Variants in SLCO1A2 observed in about 807,000 individuals in gnomAD.
The protein encoded by SLCO1A2 is solute carrier organic anion transporter family member 1A2.
A neutral mutation model predicts 69.0 loss-of-function variants in SLCO1A2; 67 were observed. The observed-to-expected ratio is 0.97, with a 90% CI of 0.80 to 1.19. The LOEUF is 1.19. SLCO1A2 is among the 50% of genes most tolerant of loss of function. The pLI, the probability that SLCO1A2 is intolerant of heterozygous loss-of-function variation, is 0.00. For synonymous variants in SLCO1A2, 260 were observed against 265.9 expected (o/e 0.98, Z 0.22); for missense variants, 787 against 793.7 (o/e 0.99, Z 0.10).
intron 1 of SLCO1A2, among the ~76,000 whole-genome samples, chr12:21,390,137 A>T (rs1941080823): frequency 6.6e-6 from 1 of 152,004 alleles, no homozygotes; most frequent in South Asian, 2.1e-4. Flanking sequence ...TGTAACTTGT[A>T]AGACAAAAAT....
At chr12:21,375,802 C>T (rs1940152370) in intron 1 of SLCO1A2, among the ~76,000 whole-genome samples, 1 of 152,182 alleles carries the variant, frequency 6.6e-6, no homozygotes, top group African/African-American at 2.4e-5. Flanking sequence ...TCTGTTTAAA[C>T]TCTCTTAAAG....
At chr12:21,373,086 AG>A in intron 2 of SLCO1A2, 1 of 434,880 alleles carries the variant, frequency 2.3e-6, no homozygotes, top group Non-Finnish European at 4.1e-6. Flanking sequence ...TTTATTTCAA[AG>A]AAAGGCTAAA....
intron 1 of SLCO1A2, among the ~76,000 whole-genome samples, chr12:21,387,936 T>A (rs1474599577): frequency 6.6e-6 from 1 of 152,204 alleles, no homozygotes; most frequent in Non-Finnish European, 1.5e-5. Flanking sequence ...ACCTCTTGCA[T>A]CAGCACGACC....
intron 1 of SLCO1A2, among the ~76,000 whole-genome samples, chr12:21,384,498 C>T (rs974417649): frequency 6.6e-6 from 1 of 152,068 alleles, no homozygotes; most frequent in Admixed American, 6.5e-5. Context: ...CAAAGGTTAT[C>T]ATCAGTAGGA....
At chr12:21,403,677 A>G (rs1307780989) in intron 1 of SLCO1A2, 1 of 144,184 alleles carries the variant, frequency 6.9e-6, no homozygotes, top group African/African-American at 2.5e-5. Flanking sequence ...TTCTAAGATT[A>G]CTGTACTCAC....
At chr12:21,344,140 A>C (rs1187777137) in intron 2 of SLCO1A2, among the ~76,000 whole-genome samples, 1 of 152,132 alleles carries the variant, frequency 6.6e-6, no homozygotes, top group Non-Finnish European at 1.5e-5. Context: ...TGTAGCATTG[A>C]TGTTACAGGT....
chr12:21,282,302 ACAT>A (rs1228289380), intron 12 of SLCO1A2, among the ~76,000 whole-genome samples: 1 of 152,102 alleles, frequency 6.6e-6, no homozygotes, highest in Non-Finnish European at 1.5e-5. Context: ...TCTATATGAT[ACAT>A]CATACCAAAA....
At chr12:21,281,491 A>G (rs1170402956) in intron 12 of SLCO1A2, among the ~76,000 whole-genome samples, 1 of 152,086 alleles carries the variant, frequency 6.6e-6, no homozygotes, top group African/African-American at 2.4e-5. Context: ...TGCATATTAA[A>G]GAATTAGAAA....
intron 1 of SLCO1A2, among the ~76,000 whole-genome samples, chr12:21,393,182 T>C (rs1343277592): frequency 6.6e-6 from 1 of 152,188 alleles, no homozygotes; most frequent in Non-Finnish European, 1.5e-5. Flanking sequence ...TATATATGTA[T>C]ATGCAGATAA....
At chr12:21,418,006 A>T (rs1390014351) in exon 1 of SLCO1A2, 1 of 152,170 alleles carries the variant, frequency 6.6e-6, no homozygotes, top group Non-Finnish European at 1.5e-5. Flanking sequence ...GGGGAGGTCT[A>T]AAAATATCCT....
intron 2 of SLCO1A2, among the ~76,000 whole-genome samples, chr12:21,330,117 A>G (rs1214150550): frequency 5.3e-5 from 8 of 152,116 alleles, no homozygotes; most frequent in Non-Finnish European, 1.0e-4. Flanking sequence ...ACATATAGCT[A>G]TAACAGACAT....
At chr12:21,379,034 C>T (rs991177283) in intron 1 of SLCO1A2, 11 of 152,276 alleles carry the variant, frequency 7.2e-5, no homozygotes, top group African/African-American at 2.7e-4. Flanking sequence ...GAGATTGCAC[C>T]ACTGCACTCC....
chr12:21,292,987 C>T (rs1183255938), intron 11 of SLCO1A2, among the ~76,000 whole-genome samples: 1 of 152,138 alleles, frequency 6.6e-6, no homozygotes, highest in Non-Finnish European at 1.5e-5. Context: ...TAGATGCTTA[C>T]AAATAAAGCT....
intron 1 of SLCO1A2, among the ~76,000 whole-genome samples, chr12:21,407,622 G>A (rs1347302003): frequency 1.3e-5 from 2 of 152,028 alleles, no homozygotes; most frequent in South Asian, 2.1e-4. Context: ...GCAACATGGC[G>A]AAATCCTGTG....
intron 2 of SLCO1A2, among the ~76,000 whole-genome samples, chr12:21,342,345 T>A (rs1445125761): frequency 6.6e-6 from 1 of 152,044 alleles, no homozygotes; most frequent in Non-Finnish European, 1.5e-5. Context: ...GCTTTTCATA[T>A]TTAGAGAAAT....
chr12:21,312,029 A>AAGG lies in SLCO1A2; in HGVS notation c.335+2519_335+2520insCCT, dbSNP rs1247023043. Among the ~76,000 whole-genome samples, 389 of 147,458 alleles carry AAGG rather than the reference A, an allele frequency of 2.6e-3. 2 individuals carry two copies. Among genetic ancestry groups the AAGG allele is most frequent in the African/African-American group, 9.2e-3 (371 of 40,112 alleles). ...GAAGAAGAGGAGGAGGGAGGAGGAG[A>AAGG]AGAAGAAGAGGAAGAAGAAGAGGAG... is the stretch of plus-strand genomic sequence containing the variant. On this transcript the variant is annotated intron_variant, in intron 4 of 14. Transcript: ENST00000683939.
chr12:21,378,452 G>GT (rs1940370615), intron 1 of SLCO1A2: 1 of 1,568,866 alleles, frequency 6.4e-7, no homozygotes, highest in Non-Finnish European at 8.8e-7. Flanking sequence ...TATAGTTATT[G>GT]TTTTATGTTC....
chr12:21,386,987 G>A (rs933895473), intron 1 of SLCO1A2, among the ~76,000 whole-genome samples: 1 of 152,174 alleles, frequency 6.6e-6, no homozygotes, highest in African/African-American at 2.4e-5. Flanking sequence ...CCAGGCTGAG[G>A]TGGTCTCAGA....
chr12:21,364,654 T>A (rs1939222849), intron 2 of SLCO1A2, among the ~76,000 whole-genome samples: 2 of 152,134 alleles, frequency 1.3e-5, no homozygotes, highest in Admixed American at 6.5e-5. Flanking sequence ...AACCCCAACA[T>A]CTCAGCCCAA....
Sources: allele counts gnomAD v4.1 joint callset (sites outside exome capture counted in the v4.1 genomes callset), GRCh38; gene constraint gnomAD v4.1.1; transcripts MANE v1.5; gene names NCBI Gene and HGNC (gene_info 2026-07-23, HGNC 2026-07-21).